The following AGBL4 variants were observed in gnomAD, a reference collection of about 807,000 sequenced individuals.
AGBL4 encodes cytosolic carboxypeptidase 6.
A neutral mutation model predicts 66.4 loss-of-function variants in AGBL4; 58 were observed. That is an observed-to-expected ratio of 0.87 (90% CI 0.71 to 1.09). AGBL4 has a LOEUF of 1.09. AGBL4 is among the 50% of genes least tolerant of loss of function. The pLI is 0.00. For missense variants in AGBL4, 579 were observed against 631.0 expected (o/e 0.92, Z 0.88); for synonymous variants, 234 against 222.9 (o/e 1.05, Z -0.44).
chr1:48,558,684 T>C (rs1644356135), intron 11 of AGBL4, among the ~76,000 whole-genome samples: 1 of 152,236 alleles, frequency 6.6e-6, no homozygotes, highest in Non-Finnish European at 1.5e-5. Context: ...ATGAAGCCAA[T>C]GCCCAAGAAA....
At chr1:48,657,299 T>C (rs575311248) in intron 7 of AGBL4, among the ~76,000 whole-genome samples, 1 of 152,192 alleles carries the variant, frequency 6.6e-6, no homozygotes, top group Non-Finnish European at 1.5e-5. Context: ...TTTTCATCAT[T>C]GCTCTTCGTT....
chr1:49,066,177 T>C (rs1204899090), intron 4 of AGBL4, among the ~76,000 whole-genome samples: 1 of 152,062 alleles, frequency 6.6e-6, no homozygotes, highest in African/African-American at 2.4e-5. Flanking sequence ...GTTCCAGAGG[T>C]AGCAATGACT....
At chr1:49,703,596 T>C (rs1046011936) in intron 2 of AGBL4, among the ~76,000 whole-genome samples, 5 of 151,040 alleles carry the variant, frequency 3.3e-5, no homozygotes, top group African/African-American at 1.2e-4. Context: ...GGGCATGAAA[T>C]GAAAACAAAA....
intron 1 of AGBL4, among the ~76,000 whole-genome samples, chr1:49,949,099 C>T (rs369543288): frequency 6.6e-6 from 1 of 151,348 alleles, no homozygotes; most frequent in African/African-American, 2.4e-5. Flanking sequence ...GGAAAGGACA[C>T]CCTATTCAAC....
chr1:49,264,234 G>A (rs1249611740), intron 3 of AGBL4, among the ~76,000 whole-genome samples: 3 of 151,906 alleles, frequency 2.0e-5, no homozygotes, highest in African/African-American at 7.3e-5. Flanking sequence ...ATGACAAAAT[G>A]TTAATATCTG....
At chr1:48,527,593 C>CAA in the AGBL4 span, among the ~76,000 whole-genome samples, 6 of 121,618 alleles carry the variant, frequency 4.9e-5, no homozygotes, top group Admixed American at 1.7e-4. Flanking sequence ...GACTCCATCT[C>CAA]AAAAAAAAAA....
intron 2 of AGBL4, chr1:49,844,860 C>T (rs544676172): frequency 6.7e-7 from 1 of 1,492,646 alleles, no homozygotes; most frequent in African/African-American, 1.4e-5. Flanking sequence ...GCCTAGAGAG[C>T]CTGGCAGTGC....
chr1:48,920,831 C>T (rs1413223071), intron 5 of AGBL4, among the ~76,000 whole-genome samples: 2 of 152,080 alleles, frequency 1.3e-5, no homozygotes, highest in Admixed American at 1.3e-4. Context: ...GCTGAGAATA[C>T]CATGCTGACT....
chr1:49,140,397 C>T (rs1462253567), intron 4 of AGBL4, among the ~76,000 whole-genome samples: 2 of 152,206 alleles, frequency 1.3e-5, no homozygotes, highest in African/African-American at 2.4e-5. Context: ...GGTTCAACAT[C>T]TCTGGCTTCT....
chr1:49,937,019 G>T (rs944899484), intron 1 of AGBL4, among the ~76,000 whole-genome samples: 7 of 152,130 alleles, frequency 4.6e-5, no homozygotes, highest in East Asian at 1.9e-4. Flanking sequence ...TGGACTAAAT[G>T]CTCCAATTAA....
At chr1:48,895,370 G>A (rs1006191788) in intron 5 of AGBL4, among the ~76,000 whole-genome samples, 2 of 152,160 alleles carry the variant, frequency 1.3e-5, no homozygotes, top group African/African-American at 4.8e-5. Flanking sequence ...ATCCCAGCAA[G>A]GGACCCAGGA....
intron 4 of AGBL4, among the ~76,000 whole-genome samples, chr1:49,232,618 G>A (rs1308552502): frequency 1.3e-5 from 2 of 151,732 alleles, no homozygotes; most frequent in Non-Finnish European, 2.9e-5. Flanking sequence ...AGAATGGCAT[G>A]AACCCAGGAG....
At chr1:49,000,823 G>A (rs558313991) in intron 5 of AGBL4, among the ~76,000 whole-genome samples, 59 of 152,244 alleles carry the variant, frequency 3.9e-4, no homozygotes, top group Admixed American at 2.6e-3. Flanking sequence ...ATTTCTGGCC[G>A]GATGTAAAAT....
intron 5 of AGBL4, among the ~76,000 whole-genome samples, chr1:49,026,659 G>A (rs924771178): frequency 6.6e-6 from 1 of 152,172 alleles, no homozygotes; most frequent in South Asian, 2.1e-4. Context: ...ACAATGCACA[G>A]TCAAACATAA....
chr1:48,678,221 C>T (rs897255062), intron 6 of AGBL4, among the ~76,000 whole-genome samples: 17 of 152,274 alleles, frequency 1.1e-4, no homozygotes, highest in African/African-American at 3.1e-4. Context: ...GACCTGCCCT[C>T]ACCCATCCCG....
chr1:49,394,281 C>T (rs534040138), intron 3 of AGBL4, among the ~76,000 whole-genome samples: 1 of 152,066 alleles, frequency 6.6e-6, no homozygotes, highest in East Asian at 1.9e-4. Flanking sequence ...AGAATGACCA[C>T]TGGGTTGATT....
At chr1:48,546,549 A>G (rs997363021) in intron 11 of AGBL4, among the ~76,000 whole-genome samples, 3 of 152,246 alleles carry the variant, frequency 2.0e-5, no homozygotes, top group East Asian at 1.9e-4. Context: ...CCGAAGGCCC[A>G]TGTAGCTAAC....
At chr1:49,672,619 G>A (rs1471921594) in intron 3 of AGBL4, among the ~76,000 whole-genome samples, 1 of 151,844 alleles carries the variant, frequency 6.6e-6, no homozygotes, top group Non-Finnish European at 1.5e-5. Context: ...CCAAAATGTG[G>A]CTCTTTGAAA....
At chr1:49,413,716 T>C (rs949498135) in intron 3 of AGBL4, among the ~76,000 whole-genome samples, 4 of 152,190 alleles carry the variant, frequency 2.6e-5, no homozygotes, top group African/African-American at 7.2e-5. Flanking sequence ...ACAATCACAA[T>C]TTGCCTGATC....
Sources: gnomAD v4.1 joint callset for allele counts (sites outside exome capture counted in the v4.1 genomes callset) on GRCh38, gnomAD v4.1.1 for gene constraint, MANE v1.5 for transcripts, NCBI Gene and HGNC (gene_info 2026-07-23, HGNC 2026-07-21) for gene names.